Variants in MCU observed in about 807,000 individuals in gnomAD.
MCU encodes mitochondrial calcium uniporter.
A neutral mutation model predicts 45.2 loss-of-function variants in MCU; 12 were observed. That is an observed-to-expected ratio of 0.27 (90% CI 0.17 to 0.43). The LOEUF is 0.43. MCU is among the 20% of genes least tolerant of loss of function. The pLI, the probability that MCU is intolerant of heterozygous loss-of-function variation, is 1.00. For synonymous variants in MCU, 160 were observed against 165.1 expected (o/e 0.97, Z 0.24); for missense variants, 324 against 436.7 (o/e 0.74, Z 2.30).
At chr10:72,863,150 C>A (rs1845405244) in intron 4 of MCU, among the ~76,000 whole-genome samples, 1 of 152,090 alleles carries the variant, frequency 6.6e-6, no homozygotes, top group South Asian at 2.1e-4. Context: ...GTCTTTCTTC[C>A]TAACCCCTGT....
In MCU at chr10:72,797,599, G is replaced by A. The variant is rs187168054; in HGVS notation, c.151-36760G>A. On this transcript the variant is annotated intron_variant, in intron 1 of 7. Transcript: ENST00000373053. ...GCCAAGACTGGAATGCAGTGGCACT[G>A]TGTCGGCTCACTGCAACCTCCGTCT... 3.1e-3 allele frequency among the ~76,000 whole-genome samples: 395 copies of A among 127,426 alleles called. 1 individual carries two copies. The highest frequency in any genetic ancestry group is 4.7e-3 in the Non-Finnish European group (284 of 60,862). The allele number at this position is 127,426 out of a possible 152,430, so 83.6% of individuals were successfully genotyped here. A position where few individuals can be genotyped will look rare whatever the true frequency, so the allele number is the denominator to read the frequency against.
rs1356875345 is a variant in MCU at position 72,692,730 on chromosome 10, C to G, written c.150+429C>G. The stretch of plus-strand genomic sequence containing the variant: ...GGGAGTTCTGAGTTGCCGCGGCCGC[C>G]TTGTGTGTGCCAGGAGAGTGGCAGT... On this transcript the variant is annotated intron_variant, in intron 1 of 7. Coordinates refer to ENST00000373053, the MANE Select transcript of MCU (RefSeq NM_138357.3). 4 of 1,277,108 alleles carry G rather than the reference C, an allele frequency of 3.1e-6. No homozygotes were observed. In the African/African-American group the frequency reaches 4.5e-5, roughly 14 times the overall value. The allele number at this position is 1,277,108 out of a possible 1,614,324, so 79.1% of individuals were successfully genotyped here.
intron 1 of MCU, among the ~76,000 whole-genome samples, chr10:72,752,397 C>G (rs1843515127): frequency 6.6e-6 from 1 of 152,116 alleles, no homozygotes; most frequent in African/African-American, 2.4e-5. Context: ...CGCCCACCCT[C>G]CAAATGTTTT....
chr10:72,800,704 T>G (rs1844325709), intron 1 of MCU, among the ~76,000 whole-genome samples: 1 of 152,238 alleles, frequency 6.6e-6, no homozygotes, highest in Non-Finnish European at 1.5e-5. Flanking sequence ...TGTGCCTTCC[T>G]AAAGAAATTT....
At chr10:72,858,322 T>C (rs1331306280) in intron 2 of MCU, among the ~76,000 whole-genome samples, 1 of 151,582 alleles carries the variant, frequency 6.6e-6, no homozygotes. Context: ...GAGGGTGGAG[T>C]TTTCAGCTCT....
intron 2 of MCU, among the ~76,000 whole-genome samples, chr10:72,846,693 C>CT (rs900799275): frequency 3.3e-5 from 5 of 151,634 alleles, no homozygotes; most frequent in Non-Finnish European, 7.4e-5. Context: ...TTTTTTTCTT[C>CT]TTTTTTGAAA....
intron 1 of MCU, among the ~76,000 whole-genome samples, chr10:72,758,595 C>A (rs1304025522): frequency 6.6e-6 from 1 of 152,072 alleles, no homozygotes; most frequent in East Asian, 1.9e-4. Context: ...CTTTCAGTTA[C>A]TAGAATTAAT....
intron 1 of MCU, among the ~76,000 whole-genome samples, chr10:72,693,734 T>C (rs1842653751): frequency 6.6e-6 from 1 of 152,224 alleles, no homozygotes; most frequent in African/African-American, 2.4e-5. Context: ...AGCCAAGAGC[T>C]TTTCCACAGT....
chr10:72,722,532 T>C (rs1363972433), intron 1 of MCU, among the ~76,000 whole-genome samples: 1 of 151,610 alleles, frequency 6.6e-6, no homozygotes, highest in Non-Finnish European at 1.5e-5. Context: ...TTTTTTTTTT[T>C]TTAACATGCA....
intron 1 of MCU, among the ~76,000 whole-genome samples, chr10:72,736,816 T>G (rs2132691315): frequency 6.6e-6 from 1 of 152,346 alleles, no homozygotes; most frequent in East Asian, 1.9e-4. Context: ...GGCCAGGCAT[T>G]TAGCAGTCTA....
At chr10:72,804,046 ATATATATATATATATATATATATATAT>A (rs1844386027) in intron 1 of MCU, among the ~76,000 whole-genome samples, 1 of 79,978 alleles carries the variant, frequency 1.3e-5, no homozygotes, top group African/African-American at 5.9e-5. Context: ...ATATATATAT[ATATATATATATATATATATATATATAT>A]AAAATAAGAG....
rs557381501 is a variant in MCU, at chr10:72,822,132, C to T, written c.151-12227C>T. On this transcript the variant is annotated intron_variant, in intron 1 of 7. Transcript: ENST00000373053. ...GTCTACTAAAAATACAAAAATTAACCGGGCGTGGTGACAGACACCAATCCC... is the reference window on the plus strand; with the variant it reads ...GTCTACTAAAAATACAAAAATTAACTGGGCGTGGTGACAGACACCAATCCC... Among the ~76,000 whole-genome samples, 52 of 152,162 alleles carry T rather than the reference C, an allele frequency of 3.4e-4. 1 individual carries two copies. The South Asian group carries it at 7.9e-3, about 23-fold the overall frequency.
intron 1 of MCU, among the ~76,000 whole-genome samples, chr10:72,798,013 A>G (rs915101806): frequency 6.6e-6 from 1 of 152,060 alleles, no homozygotes; most frequent in African/African-American, 2.4e-5. Flanking sequence ...CTTCAGATTG[A>G]CCAAAAAAAA....
chr10:72,856,374 CA>C (rs1228389404), intron 2 of MCU, among the ~76,000 whole-genome samples: 1 of 152,010 alleles, frequency 6.6e-6, no homozygotes, highest in Non-Finnish European at 1.5e-5. Flanking sequence ...AACTATGTCT[CA>C]ATTAGGTTTA....
intron 1 of MCU, among the ~76,000 whole-genome samples, chr10:72,798,057 A>G (rs1344562743): frequency 6.6e-6 from 1 of 152,182 alleles, no homozygotes; most frequent in Non-Finnish European, 1.5e-5. Flanking sequence ...TTGAGGTTCA[A>G]AAATTTTTTA....
intron 1 of MCU, among the ~76,000 whole-genome samples, chr10:72,811,734 T>G (rs1844546389): frequency 6.6e-6 from 1 of 152,244 alleles, no homozygotes; most frequent in African/African-American, 2.4e-5. Flanking sequence ...TGATAATGTT[T>G]TGAATTTTTG....
chr10:72,714,331 C>T (rs926477005), intron 1 of MCU, among the ~76,000 whole-genome samples: 44 of 82,104 alleles, frequency 5.4e-4, no homozygotes, highest in Non-Finnish European at 6.8e-4. Context: ...TACTTCAGTT[C>T]CCCCCGCCCT....
At position 72,707,606 on chromosome 10, in the gene MCU, G is replaced by GGTGTGTGT. The variant is rs373225323; in HGVS notation, c.150+15340_150+15347dup. Among the ~76,000 whole-genome samples the GGTGTGTGT allele has an allele frequency of 1.3e-3, 175 of 135,032 alleles. 2 individuals carry two copies. The East Asian group carries it at 0.014, about 11-fold the overall frequency. The allele number at this position is 135,032 out of a possible 152,430, so 88.6% of individuals were successfully genotyped here. A position where few individuals can be genotyped will look rare whatever the true frequency, so the allele number is the denominator to read the frequency against. On this transcript the variant is annotated intron_variant, in intron 1 of 7. Transcript: ENST00000373053. ...AAATGAAGAGGTGGTCGTGGTGAGT[G>GGTGTGTGT]GTGTGTGTGTGTGTGTGTGTGTGTG...
At position 72,805,720 on chromosome 10, in the gene MCU, AT is replaced by A. The variant is rs1423210879; in HGVS notation, c.151-28636del. On this transcript the variant is annotated intron_variant, in intron 1 of 7. Transcript: ENST00000373053. ...TGTGGAATTTGCTAGTCATCTATATATTTACCCATCTAATAAATATTTATTG... is the reference window on the plus strand; with the variant it reads ...TGTGGAATTTGCTAGTCATCTATATATTACCCATCTAATAAATATTTATTG... 7.2e-5 allele frequency among the ~76,000 whole-genome samples: 11 copies of A among 152,268 alleles called. No individual in the cohort carries two copies. The East Asian group carries it at 2.1e-3, about 29-fold the overall frequency.
Sources: gnomAD v4.1 joint callset for allele counts (sites outside exome capture counted in the v4.1 genomes callset) on GRCh38, gnomAD v4.1.1 for gene constraint, MANE v1.5 for transcripts, NCBI Gene and HGNC (gene_info 2026-07-23, HGNC 2026-07-21) for gene names.